Variants in KLF12 observed in about 807,000 individuals in gnomAD.
KLF12 encodes the protein KLF transcription factor 12.
Under a neutral mutation model 37.8 loss-of-function variants are expected in KLF12, and 9 were observed. That is an observed-to-expected ratio of 0.24 (90% confidence interval 0.14 to 0.42). KLF12 has a LOEUF of 0.42. KLF12 is among the 10% of genes least tolerant of loss of function. The pLI is 1.00. For missense variants in KLF12, 411 were observed against 516.0 expected (o/e 0.80, Z 1.97); for synonymous variants, 208 against 202.1 (o/e 1.03, Z -0.25).
intron 3 of KLF12, among the ~76,000 whole-genome samples, chr13:73,898,983 G>GC (rs1182107938): frequency 2.0e-5 from 3 of 152,218 alleles, no homozygotes; most frequent in Non-Finnish European, 4.4e-5. Flanking sequence ...CCAGGCAACT[G>GC]CAGCAGAAAG....
intron 1 of KLF12, among the ~76,000 whole-genome samples, chr13:74,079,896 TTAAAAGCAGGGTCCCTTGCTACCCAC>T (rs1874777929): frequency 1.3e-5 from 2 of 152,164 alleles, no homozygotes; most frequent in African/African-American, 4.8e-5. Context: ...TCTGAAAGGA[TTAAAAGCAGGGTCCCTTGCTACCCAC>T]ATTCACATCA....
At chr13:74,287,778 G>A in the KLF12 span, among the ~76,000 whole-genome samples, 3 of 152,104 alleles carry the variant, frequency 2.0e-5, no homozygotes, top group Admixed American at 2.0e-4. Flanking sequence ...CTGTCCAATT[G>A]CACAATTTCT....
chr13:73,916,094 T>A (rs1307265504), intron 3 of KLF12, among the ~76,000 whole-genome samples: 2 of 152,042 alleles, frequency 1.3e-5, no homozygotes, highest in Non-Finnish European at 2.9e-5. Flanking sequence ...TTCTTATTGA[T>A]CTTGCATAGA....
intron 5 of KLF12, among the ~76,000 whole-genome samples, chr13:73,782,952 C>G (rs192524477): frequency 6.6e-6 from 1 of 152,150 alleles, no homozygotes; most frequent in African/African-American, 2.4e-5. Context: ...GTATTCTGTA[C>G]GCAGAGCAGT....
chr13:74,196,962 G>A, the KLF12 span, among the ~76,000 whole-genome samples: 218 of 152,190 alleles, frequency 1.4e-3, no homozygotes, highest in Non-Finnish European at 2.3e-3. Flanking sequence ...TCTGGGAAAG[G>A]TAAGATTTTA....
At chr13:73,759,207 A>ATT (rs1327834251) in intron 6 of KLF12, among the ~76,000 whole-genome samples, 1 of 152,120 alleles carries the variant, frequency 6.6e-6, no homozygotes, top group Non-Finnish European at 1.5e-5. Flanking sequence ...ACCAAACCTA[A>ATT]AGGTAACCTT....
At chr13:74,095,595 C>T (rs1225354701) in intron 1 of KLF12, among the ~76,000 whole-genome samples, 1 of 152,048 alleles carries the variant, frequency 6.6e-6, no homozygotes, top group Non-Finnish European at 1.5e-5. Context: ...TGCTGCATAG[C>T]TGAGGCTGGT....
chr13:74,248,760 A>G, the KLF12 span, among the ~76,000 whole-genome samples: 1 of 152,178 alleles, frequency 6.6e-6, no homozygotes, highest in Non-Finnish European at 1.5e-5. Context: ...ACACAAAGGA[A>G]GTGGAGCATT....
intron 6 of KLF12, among the ~76,000 whole-genome samples, chr13:73,718,753 G>T (rs1876000359): frequency 6.6e-6 from 1 of 152,132 alleles, no homozygotes; most frequent in South Asian, 2.1e-4. Flanking sequence ...AATTAGCTGG[G>T]CGTGGTGGCA....
intron 2 of KLF12, among the ~76,000 whole-genome samples, chr13:73,973,998 C>T (rs1891426005): frequency 6.6e-6 from 1 of 151,636 alleles, no homozygotes; most frequent in African/African-American, 2.4e-5. Flanking sequence ...AGAGACATGA[C>T]TAAAAATAAA....
At chr13:74,103,927 T>C (rs1284727340) in intron 1 of KLF12, among the ~76,000 whole-genome samples, 1 of 152,150 alleles carries the variant, frequency 6.6e-6, no homozygotes, top group East Asian at 1.9e-4. Context: ...TCTATGGGGT[T>C]AAGTAAAGCC....
intron 1 of KLF12, among the ~76,000 whole-genome samples, chr13:74,057,048 A>C (rs1873285821): frequency 6.6e-6 from 1 of 152,212 alleles, no homozygotes; most frequent in Non-Finnish European, 1.5e-5. Context: ...GCAGTGAGAG[A>C]CAGAGAGACC....
chr13:73,878,608 G>A (rs1886828112), intron 3 of KLF12, among the ~76,000 whole-genome samples: 1 of 152,126 alleles, frequency 6.6e-6, no homozygotes, highest in South Asian at 2.1e-4. Flanking sequence ...AACTTCTCTA[G>A]TGACATAAGA....
the KLF12 span, among the ~76,000 whole-genome samples, chr13:74,277,308 T>G: frequency 7.9e-5 from 12 of 152,328 alleles, no homozygotes; most frequent in East Asian, 2.3e-3. Context: ...CCTGGTGGAA[T>G]GCACATGGCC....
chr13:73,976,093 TA>T (rs60828645), intron 2 of KLF12, among the ~76,000 whole-genome samples: 1 of 150,542 alleles, frequency 6.6e-6, no homozygotes, highest in South Asian at 2.1e-4. Flanking sequence ...AATAAGTCAT[TA>T]AAAAAAATGT....
chr13:74,123,728 C>G (rs754734818), intron 1 of KLF12, among the ~76,000 whole-genome samples: 7 of 152,184 alleles, frequency 4.6e-5, no homozygotes, highest in Non-Finnish European at 8.8e-5. Flanking sequence ...ATGAGCTAGA[C>G]ACTAGTGACA....
In KLF12 at chr13:73,799,603, T is replaced by A. The variant is rs1203127369; in HGVS notation, c.806+13549A>T. On this transcript the variant is annotated intron_variant, in intron 5 of 7. Coordinates refer to ENST00000377669, the MANE Select transcript of KLF12 (RefSeq NM_007249.5). ...CTTGGATAATAAGTCTCATAAAACATTTAGTGAAAAATTAATATTTTCACC... is the reference window on the plus strand; with the variant it reads ...CTTGGATAATAAGTCTCATAAAACAATTAGTGAAAAATTAATATTTTCACC... 2.6e-5 allele frequency among the ~76,000 whole-genome samples: 4 copies of A among 152,136 alleles called. No individual in the cohort carries two copies. The South Asian group carries it at 8.3e-4, about 32-fold the overall frequency.
chr13:74,043,496 C>T (rs1247318671), intron 1 of KLF12, among the ~76,000 whole-genome samples: 2 of 152,138 alleles, frequency 1.3e-5, no homozygotes, highest in African/African-American at 4.8e-5. Context: ...TGTGTGTACA[C>T]TCTGCTTTTG....
chr13:73,764,974 A>T lies in KLF12; in HGVS notation c.833T>A (p.Val278Asp). The change falls in exon 6 of 8, where the codon GTC becomes GAC. Residue 278 changes from valine to aspartate, a missense_variant. Coordinates refer to ENST00000377669, the MANE Select transcript of KLF12 (RefSeq NM_007249.5). ...TTGATTATTCATTCGATTGCCCCGG[A>T]CCCTTGATACTGGGGACGGATGTAC... The T allele has an allele frequency of 6.4e-7, 1 of 1,573,574 alleles. No homozygotes were observed. The highest frequency in any genetic ancestry group is 8.7e-7 in the Non-Finnish European group (1 of 1,143,606).
Sources: gnomAD v4.1 joint callset for allele counts (sites outside exome capture counted in the v4.1 genomes callset) on GRCh38, gnomAD v4.1.1 for gene constraint, MANE v1.5 for transcripts, NCBI Gene and HGNC (gene_info 2026-07-23, HGNC 2026-07-21) for gene names.